Variants in SYNPR observed in about 807,000 individuals in gnomAD.
The protein encoded by SYNPR is synaptoporin.
Under a neutral mutation model 32.9 loss-of-function variants are expected in SYNPR, and 23 were observed. The observed-to-expected ratio is 0.70, with a 90% confidence interval of 0.50 to 0.99. The LOEUF is 0.99. SYNPR is among the 50% of genes least tolerant of loss of function. SYNPR has a pLI of 0.00. For synonymous variants in SYNPR, 146 were observed against 135.9 expected (o/e 1.07, Z -0.52); for missense variants, 318 against 349.3 (o/e 0.91, Z 0.71).
At chr3:63,587,584 A>T (rs1703211473) in intron 4 of SYNPR, among the ~76,000 whole-genome samples, 1 of 151,944 alleles carries the variant, frequency 6.6e-6, no homozygotes, top group African/African-American at 2.4e-5. Context: ...AAGATGTGCA[A>T]TTTTTTCTGG....
intron 4 of SYNPR, among the ~76,000 whole-genome samples, chr3:63,571,461 T>C (rs1702884619): frequency 6.6e-6 from 1 of 152,132 alleles, no homozygotes. Flanking sequence ...CGCTTATCTG[T>C]TTTCTGGTTG....
intron 2 of SYNPR, among the ~76,000 whole-genome samples, chr3:63,303,533 A>C (rs2086878516): frequency 6.6e-6 from 1 of 152,074 alleles, no homozygotes; most frequent in Non-Finnish European, 1.5e-5. Context: ...ATGCACAAAG[A>C]GTACTTTATC....
the SYNPR span, among the ~76,000 whole-genome samples, chr3:63,222,102 T>A: frequency 6.9e-6 from 1 of 144,804 alleles, no homozygotes; most frequent in Non-Finnish European, 1.5e-5. Context: ...ATGTGTCAGG[T>A]CCCTGATAGT....
chr3:63,503,242 A>C (rs1701517989), intron 3 of SYNPR, among the ~76,000 whole-genome samples: 1 of 151,978 alleles, frequency 6.6e-6, no homozygotes, highest in African/African-American at 2.4e-5. Flanking sequence ...TGCCCTCTGC[A>C]TATCTTCTTT....
intron 4 of SYNPR, among the ~76,000 whole-genome samples, chr3:63,608,562 A>G (rs1700155769): frequency 6.6e-6 from 1 of 152,222 alleles, no homozygotes; most frequent in South Asian, 2.1e-4. Context: ...CCAATAACAT[A>G]TAGATAACAC....
In SYNPR at chr3:63,309,784, A is replaced by G. The variant is rs114233364; in HGVS notation, c.84+31042A>G. Among the ~76,000 whole-genome samples the G allele has an allele frequency of 8.4e-3, 1,282 of 151,982 alleles. 23 individuals carry two copies. Among genetic ancestry groups the G allele is most frequent in the African/African-American group, 0.028 (1,161 of 41,478 alleles). On this transcript the variant is annotated intron_variant, in intron 2 of 5. Coordinates refer to ENST00000478300, the MANE Select transcript of SYNPR (RefSeq NM_001130003.2). ...GCTGAATACTCAAGAAGCACCCTCT[A>G]CACTGCTTACTCCAGAGTTCTCTCT...
Position 63,432,694 on chromosome 3 carries a change from CTCACTGAT to C in SYNPR, c.85-48137_85-48130del, listed in dbSNP as rs760245437. Among the ~76,000 whole-genome samples, 91 of 152,200 alleles carry C rather than the reference CTCACTGAT, an allele frequency of 6.0e-4. 3 individuals carry two copies. The highest frequency in any genetic ancestry group is 1.8e-4 in the Non-Finnish European group (12 of 68,038). ...GGAGAGGGAGAGATGGTCCTGAGGC[CTCACTGAT>C]CTTGTTTCCACACTGTGGAGCTGAT... is the stretch of plus-strand genomic sequence containing the variant. On this transcript the variant is annotated intron_variant, in intron 2 of 5. Transcript: ENST00000478300.
chr3:63,345,647 C>T (rs1461251574), intron 2 of SYNPR, among the ~76,000 whole-genome samples: 1 of 152,132 alleles, frequency 6.6e-6, no homozygotes, highest in Non-Finnish European at 1.5e-5. Context: ...TGGCTGACTC[C>T]AACCCCAACC....
At chr3:63,594,530 A>G (rs796880285) in intron 4 of SYNPR, among the ~76,000 whole-genome samples, 48 of 152,188 alleles carry the variant, frequency 3.2e-4, no homozygotes, top group African/African-American at 1.2e-3. Context: ...TTAAGAATAT[A>G]GACTGTGGAG....
At chr3:63,498,861 C>A (rs57689004) in intron 3 of SYNPR, among the ~76,000 whole-genome samples, 1 of 150,872 alleles carries the variant, frequency 6.6e-6, no homozygotes, top group Admixed American at 6.6e-5. Context: ...CACCTGTAAT[C>A]TGAGCACTTT....
chr3:63,432,024 G>T (rs1575640720), intron 2 of SYNPR, among the ~76,000 whole-genome samples: 1 of 152,100 alleles, frequency 6.6e-6, no homozygotes, highest in Non-Finnish European at 1.5e-5. Flanking sequence ...GACCAGAAAG[G>T]CAGGGAATTT....
At chr3:63,491,655 G>A (rs1701259562) in intron 3 of SYNPR, among the ~76,000 whole-genome samples, 1 of 152,056 alleles carries the variant, frequency 6.6e-6, no homozygotes, top group Admixed American at 6.5e-5. Flanking sequence ...CGAGTAGTTG[G>A]GAGTACAGGC....
chr3:63,337,158 G>A (rs1472667065), intron 2 of SYNPR, among the ~76,000 whole-genome samples: 1 of 147,846 alleles, frequency 6.8e-6, no homozygotes, highest in Non-Finnish European at 1.5e-5. Context: ...ATTGACCCAA[G>A]GAGGCAGAGG....
chr3:63,499,128 A>C (rs1701431472), intron 3 of SYNPR, among the ~76,000 whole-genome samples: 1 of 152,110 alleles, frequency 6.6e-6, no homozygotes, highest in Non-Finnish European at 1.5e-5. Context: ...TGGTGGCTTA[A>C]TTCAGGTTTT....
rs549428358 is a variant in SYNPR, at chr3:63,268,606, T to C, written n.287+1157T>C. Among the ~76,000 whole-genome samples the C allele has an allele frequency of 2.6e-5, 4 of 152,296 alleles. No individual in the cohort carries two copies. In the East Asian group the frequency reaches 7.7e-4, roughly 29 times the overall value. On this transcript the variant is annotated intron_variant and non_coding_transcript_variant, in intron 3 of 4. Coordinates refer to the SYNPR transcript ENST00000478456. The stretch of plus-strand genomic sequence containing the variant: ...AGAAGGGAAATACATTTACTATAAG[T>C]AGACGTGGATCATCATAAAGGTTTT...
chr3:63,319,429 A>C lies in SYNPR; in HGVS notation c.84+40687A>C, dbSNP rs555736720. Among the ~76,000 whole-genome samples, 42 of 152,174 alleles carry C rather than the reference A, an allele frequency of 2.8e-4. 1 individual carries two copies. The highest frequency in any genetic ancestry group is 1.6e-3 in the Admixed American group (24 of 15,268). ...TGTGTCTTCAGTAAAGTTGCAGGAC[A>C]CAAAATCAACTTACAAAAGTCATTA... On this transcript the variant is annotated intron_variant, in intron 2 of 5. Transcript: ENST00000478300.
At chr3:63,396,503 C>T (rs1189708223) in intron 2 of SYNPR, among the ~76,000 whole-genome samples, 1 of 152,078 alleles carries the variant, frequency 6.6e-6, no homozygotes, top group Non-Finnish European at 1.5e-5. Context: ...GGTATCACCT[C>T]TTTTTTAGCC....
chr3:63,264,106 C>T (rs561736063), intron 2 of SYNPR, among the ~76,000 whole-genome samples: 3 of 152,126 alleles, frequency 2.0e-5, no homozygotes, highest in African/African-American at 4.8e-5. Flanking sequence ...GCCCAGGCTC[C>T]GGTGATTCTG....
At chr3:63,202,123 T>C in the SYNPR span, among the ~76,000 whole-genome samples, 4 of 152,170 alleles carry the variant, frequency 2.6e-5, no homozygotes, top group Non-Finnish European at 5.9e-5. Flanking sequence ...AGCTGTGTGA[T>C]AGGATCAGCT....
Sources: allele counts gnomAD v4.1 joint callset (sites outside exome capture counted in the v4.1 genomes callset), GRCh38; gene constraint gnomAD v4.1.1; transcripts MANE v1.5; gene names NCBI Gene and HGNC (gene_info 2026-07-23, HGNC 2026-07-21).